The following LAMP3 variants were observed in gnomAD, a reference collection of about 807,000 sequenced individuals.
LAMP3 encodes the protein lysosome-associated membrane glycoprotein 3.
LAMP3 carries 26 observed loss-of-function variants against 34.8 expected under a neutral mutation model. That is an observed-to-expected ratio of 0.75 (90% confidence interval 0.55 to 1.04). The LOEUF is 1.04. Among genes scored for constraint, LAMP3 ranks in the 50% least tolerant of loss-of-function variants. The pLI is 0.00. For synonymous variants in LAMP3, 180 were observed against 201.9 expected (o/e 0.89, Z 0.92); for missense variants, 495 against 524.0 (o/e 0.94, Z 0.54).
intron 1 of LAMP3, among the ~76,000 whole-genome samples, chr3:183,157,202 ATTAAG>A (rs1720846780): frequency 6.6e-6 from 1 of 152,206 alleles, no homozygotes; most frequent in Non-Finnish European, 1.5e-5. Context: ...TATTAATGAC[ATTAAG>A]TTATTTGAGA....
chr3:183,152,455 C>CTTGCG lies in LAMP3; in HGVS notation c.803_807dup (p.Ala270ArgfsTer16). On this transcript the variant is annotated frameshift_variant, in exon 3 of 6. Transcript: ENST00000265598. LOFTEE classifies it high-confidence loss of function. ...TTTCGGGTGCCACAGTTCCCAGAGG[C>CTTGCG]TTGCGTTGCGTTGGGGTCGATGTTG... is the stretch of plus-strand genomic sequence containing the variant. The CTTGCG allele has an allele frequency of 6.2e-7, 1 of 1,613,128 alleles. No homozygotes were observed. The highest frequency in any genetic ancestry group is 8.5e-7 in the Non-Finnish European group (1 of 1,179,622).
intron 1 of LAMP3, among the ~76,000 whole-genome samples, chr3:183,158,877 T>C (rs1262065198): frequency 1.1e-5 from 1 of 95,016 alleles, no homozygotes; most frequent in Non-Finnish European, 3.0e-5. Context: ...GTGTGACAAG[T>C]GTTTTTTTTT....
chr3:183,142,453 G>C (rs958310978), intron 3 of LAMP3, among the ~76,000 whole-genome samples: 4 of 152,126 alleles, frequency 2.6e-5, no homozygotes, highest in Admixed American at 2.6e-4. Flanking sequence ...TGGCATTTCT[G>C]TGAGAGTTTC....
intron 5 of LAMP3, among the ~76,000 whole-genome samples, chr3:183,128,397 A>G (rs1458685434): frequency 6.6e-6 from 1 of 151,960 alleles, no homozygotes; most frequent in East Asian, 1.9e-4. Flanking sequence ...ATATTTTGGA[A>G]CTCTTTCCTT....
chr3:183,134,025 T>C (rs1369843347), intron 5 of LAMP3, among the ~76,000 whole-genome samples: 1 of 152,238 alleles, frequency 6.6e-6, no homozygotes, highest in Non-Finnish European at 1.5e-5. Flanking sequence ...AAACACCATA[T>C]AGTATGGTAA....
chr3:183,145,716 G>T (rs141705475), intron 3 of LAMP3, among the ~76,000 whole-genome samples: 1 of 152,114 alleles, frequency 6.6e-6, no homozygotes, highest in Non-Finnish European at 1.5e-5. Flanking sequence ...AATGAGCAGG[G>T]TGTGGTGGTG....
At chr3:183,132,678 T>C (rs969631647) in intron 5 of LAMP3, 3 of 985,270 alleles carry the variant, frequency 3.0e-6, no homozygotes, top group African/African-American at 1.7e-5. Flanking sequence ...CGGTAGCCCT[T>C]TGGTGGAAAG....
intron 1 of LAMP3, chr3:183,158,045 T>C (rs976648772): frequency 3.9e-5 from 6 of 152,404 alleles, no homozygotes; most frequent in African/African-American, 9.7e-5. Flanking sequence ...GCCAAGTTCA[T>C]GGGTGTTGGA....
intron 5 of LAMP3, among the ~76,000 whole-genome samples, chr3:183,129,797 C>T (rs994232717): frequency 6.6e-6 from 1 of 152,174 alleles, no homozygotes; most frequent in Non-Finnish European, 1.5e-5. Context: ...TCCCTGCCCC[C>T]AAATTTACAT....
intron 1 of LAMP3, chr3:183,162,056 G>T: frequency 1.3e-6 from 1 of 766,576 alleles, no homozygotes; most frequent in African/African-American, 1.9e-5. Context: ...TCATCACAGG[G>T]ACAACACCAC....
At chr3:183,133,585 G>A (rs1300479088) in intron 5 of LAMP3, among the ~76,000 whole-genome samples, 1 of 152,072 alleles carries the variant, frequency 6.6e-6, no homozygotes, top group Non-Finnish European at 1.5e-5. Flanking sequence ...CATAGTCCTG[G>A]CCTCAAGTGA....
At chr3:183,146,429 C>T in intron 3 of LAMP3, among the ~76,000 whole-genome samples, 1 of 151,988 alleles carries the variant, frequency 6.6e-6, no homozygotes, top group East Asian at 1.9e-4. Context: ...ACACTTCATA[C>T]AATACACCCA....
intron 2 of LAMP3, 111 bp from the exon 3 acceptor site, chr3:183,152,614 T>C (rs1720676120): frequency 4.2e-6 from 4 of 963,682 alleles, no homozygotes; most frequent in Non-Finnish European, 6.0e-6. Flanking sequence ...GAGGATTCGC[T>C]GGAGAACTGC....
chr3:183,140,803 G>A (rs1720260880), intron 3 of LAMP3, among the ~76,000 whole-genome samples: 2 of 152,028 alleles, frequency 1.3e-5, no homozygotes, highest in African/African-American at 4.8e-5. Context: ...TTTTCCCCTG[G>A]CCCCAAATTT....
At chr3:183,156,532 G>A (rs899624350) in intron 1 of LAMP3, among the ~76,000 whole-genome samples, 3 of 152,126 alleles carry the variant, frequency 2.0e-5, no homozygotes, top group East Asian at 1.9e-4. Flanking sequence ...AGGAGATCAC[G>A]CTATGCTAGT....
intron 5 of LAMP3, among the ~76,000 whole-genome samples, chr3:183,128,904 T>G (rs548223891): frequency 1.3e-4 from 20 of 152,318 alleles, no homozygotes; most frequent in Non-Finnish European, 2.6e-4. Flanking sequence ...ACTCATTTCC[T>G]CTCTTGGTGA....
At chr3:183,132,277 G>A (rs191583129) in intron 5 of LAMP3, 1 of 935,876 alleles carries the variant, frequency 1.1e-6, no homozygotes, top group East Asian at 1.2e-4. Flanking sequence ...AATAGAGTAG[G>A]ATATGTTTTT....
At chr3:183,150,762 A>G (rs2108609609) in intron 3 of LAMP3, among the ~76,000 whole-genome samples, 1 of 151,982 alleles carries the variant, frequency 6.6e-6, no homozygotes, top group East Asian at 1.9e-4. Context: ...GGGTCTTGCT[A>G]TATATTTCCC....
At chr3:183,131,926 T>G (rs1384734902) in intron 5 of LAMP3, 5 of 985,280 alleles carry the variant, frequency 5.1e-6, no homozygotes, top group Non-Finnish European at 6.0e-6. Context: ...CCATCAGGAA[T>G]GTACTGCTTT....
Sources: gnomAD v4.1 joint callset for allele counts (sites outside exome capture counted in the v4.1 genomes callset) on GRCh38, gnomAD v4.1.1 for gene constraint, MANE v1.5 for transcripts, NCBI Gene and HGNC (gene_info 2026-07-23, HGNC 2026-07-21) for gene names.